Variants in UBR4 observed in about 807,000 individuals in gnomAD.
UBR4 encodes ubiquitin protein ligase E3 component n-recognin 4.
Under a neutral mutation model 575.6 loss-of-function variants are expected in UBR4, and 124 were observed. The observed-to-expected ratio is 0.22, with a 90% CI of 0.19 to 0.25. UBR4 has a LOEUF of 0.25. UBR4 is among the 10% of genes least tolerant of loss of function. The pLI is 1.00. For synonymous variants in UBR4, 2,455 were observed against 2,473.7 expected (o/e 0.99, Z 0.22); for missense variants, 4,818 against 6,478.8 (o/e 0.74, Z 8.80).
intron 11 of UBR4, among the ~76,000 whole-genome samples, chr1:19,191,834 A>G (rs1322919123): frequency 1.3e-5 from 2 of 152,226 alleles, no homozygotes; most frequent in African/African-American, 2.4e-5. Context: ...CAATATTCTC[A>G]TCTTACAGGT....
At chr1:19,075,073 C>T in intron 105 of UBR4, 177 bp from the exon 106 acceptor site, 1 of 656,228 alleles carries the variant, frequency 1.5e-6, no homozygotes, top group South Asian at 1.8e-5. Context: ...CCCTGTTCCG[C>T]AGGAGGAGTC....
In UBR4 at chr1:19,155,602, T is replaced by G. The variant is rs768243483; in HGVS notation, c.6139A>C (p.Arg2047=). ...TCATTGAAAAGGAAGGTAACATCTC[T>G]TATCTTTGAGCTTGGCAGGAGAAAA... The part of the protein sequence containing the change: ...FYFLLPSSKI[R]DVTFLFNEEG... The change falls in exon 43 of 106, where the codon AGA becomes CGA. Residue 2047 remains arginine (R), a synonymous_variant. Coordinates refer to ENST00000375254, the MANE Select transcript of UBR4 (RefSeq NM_020765.3). The G allele has an allele frequency of 2.2e-5, 36 of 1,614,080 alleles. No individual in the cohort carries two copies. Among genetic ancestry groups the G allele is most frequent in the Non-Finnish European group, 3.1e-5 (36 of 1,180,040 alleles).
chr1:19,091,693 C>T (rs539358801), intron 97 of UBR4, among the ~76,000 whole-genome samples: 175 of 152,308 alleles, frequency 1.1e-3, no homozygotes, highest in African/African-American at 4.0e-3. Flanking sequence ...ACTGGAGCAG[C>T]CATACATTTC....
In UBR4 at chr1:19,110,562, A is replaced by G; in HGVS notation, c.11893-98T>C. 1 of 1,414,276 alleles carries G rather than the reference A, an allele frequency of 7.1e-7. No homozygotes were observed. The highest frequency in any genetic ancestry group is 1.2e-5 in the South Asian group (1 of 81,896). The allele number at this position is 1,414,276 out of a possible 1,614,324, so 87.6% of individuals were successfully genotyped here. On this transcript the variant is annotated intron_variant, in intron 79 of 105. Transcript: ENST00000375254. This position sits in a 1 kb window ranked among gnomAD's most constrained non-coding sequence, Gnocchi z 4.5. ...ATTTCTGGTCCTAGGTGGCTCCAAC[A>G]GAGACAAAGGACAGACGGAGACCCT...
At chr1:19,154,168 G>A (rs1443921111) in intron 44 of UBR4, among the ~76,000 whole-genome samples, 1 of 152,172 alleles carries the variant, frequency 6.6e-6, no homozygotes. Context: ...CCACTGTGAG[G>A]TTCCATGTCC....
chr1:19,184,145 A>G lies in UBR4; in HGVS notation c.1969T>C (p.Phe657Leu), dbSNP rs748314109. The stretch of plus-strand genomic sequence containing the variant: ...GAGTTCAGCATGGAAGAGGTGATGA[A>G]GTTCAAAATGTTGGAAGCCAGACCT... The part of the protein sequence containing the change: ...FLGLASNILN[F>L]ITSSMLNSRN... The change falls in exon 16 of 106, where the codon TTC (phenylalanine) becomes CTC (leucine). Residue 657 changes from phenylalanine to leucine, a missense_variant. By Grantham distance (22) the Phe-to-Leu change is conservative (BLOSUM62 0). Around this residue, in one of 29 missense-constraint regions of UBR4, gnomAD observed 1,172 missense variants for 1,259.7 expected, o/e 0.93. Transcript: ENST00000375254. 1 of 1,614,236 alleles carries G rather than the reference A, an allele frequency of 6.2e-7. No individual in the cohort carries two copies. The highest frequency in any genetic ancestry group is 1.7e-5 in the Admixed American group (1 of 60,034).
At chr1:19,210,034 CCCA>C in intron 1 of UBR4, 36 bp downstream of exon 1, 1 of 1,515,152 alleles carries the variant, frequency 6.6e-7, no homozygotes. Flanking sequence ...ATCCCCTCCC[CCCA>C]CAACAGCGTC....
chr1:19,145,400 A>G (rs567292875), intron 53 of UBR4, among the ~76,000 whole-genome samples: 2 of 152,336 alleles, frequency 1.3e-5, no homozygotes, highest in East Asian at 1.9e-4. Flanking sequence ...GTAAGAAGTT[A>G]GAGACCAAAT....
intron 8 of UBR4, 146 bp downstream of exon 8, chr1:19,196,995 T>C: frequency 3.2e-6 from 3 of 937,552 alleles, no homozygotes; most frequent in Non-Finnish European, 4.7e-6. Context: ...TATTGAGACC[T>C]CATTTCACCT....
At chr1:19,181,844 C>T (rs1291660989) in intron 17 of UBR4, among the ~76,000 whole-genome samples, 2 of 152,174 alleles carry the variant, frequency 1.3e-5, no homozygotes, top group Non-Finnish European at 2.9e-5. Flanking sequence ...TTTACATGAA[C>T]AGTTCTGTGG....
At position 19,144,967 on chromosome 1, in the gene UBR4, G is replaced by A. The variant is rs145565851; in HGVS notation, c.7946-60C>T. On this transcript the variant is annotated intron_variant, in intron 53 of 105. Transcript: ENST00000375254. ...AGGAAAAAACTCTAACTACTTGAGAGTCTGAGACAAAAGTGTAACCTTTTA... is the reference window on the plus strand; with the variant it reads ...AGGAAAAAACTCTAACTACTTGAGAATCTGAGACAAAAGTGTAACCTTTTA... 4.0e-4 allele frequency: 634 copies of A among 1,600,156 alleles called. 2 individuals carry two copies. The African/African-American group carries it at 5.9e-3, about 15-fold the overall frequency.
At chr1:19,184,670 A>G (rs759000377) in intron 15 of UBR4, among the ~76,000 whole-genome samples, 14 of 152,206 alleles carry the variant, frequency 9.2e-5, no homozygotes, top group South Asian at 2.1e-4. Context: ...CACTCACATC[A>G]TCAGAACGGG....
At position 19,177,593 on chromosome 1, in the gene UBR4, C is replaced by T; in HGVS notation, c.2505G>A (p.Gln835=). The change falls in exon 19 of 106, where the codon CAG becomes CAA. Residue 835 remains glutamine (Q), a synonymous_variant. Transcript: ENST00000375254. ...TGTTGACGCTCAACTCCTGGATGAT[C>T]TGGACAAAAAGCGACAATATGGCCC... The part of the protein sequence containing the change: ...GRRAILSLFV[Q]IIQELSVNMD... The T allele has an allele frequency of 1.2e-6, 2 of 1,613,578 alleles. No homozygotes were observed. Among genetic ancestry groups the T allele is most frequent in the Non-Finnish European group, 1.7e-6 (2 of 1,179,940 alleles).
chr1:19,175,611 T>C (rs1408564523), intron 20 of UBR4, among the ~76,000 whole-genome samples: 2 of 152,154 alleles, frequency 1.3e-5, no homozygotes, highest in African/African-American at 4.8e-5. Flanking sequence ...GATAATCTCA[T>C]GTTCACATTC....
At chr1:19,160,453 A>G (rs2087146624) in intron 38 of UBR4, among the ~76,000 whole-genome samples, 172 bp from the exon 39 acceptor site, 3 of 152,202 alleles carry the variant, frequency 2.0e-5, no homozygotes, top group Admixed American at 2.0e-4. Context: ...GATTCCAATC[A>G]ATATGCATTT....
rs1308504504 is a variant in UBR4 at position 19,115,274 on chromosome 1, C to G, written c.11063+124G>C. 4.9e-6 allele frequency: 7 copies of G among 1,415,950 alleles called. No homozygotes were observed. In the Admixed American group the frequency reaches 1.5e-4, roughly 30 times the overall value. 87.7% of individuals were successfully genotyped at this position (1,415,950 alleles called of 1,614,324 possible). ...CCTTTCTACCCTTGAACCCACTCTA[C>G]AAACCCATAATTCTCTAAATGTTCT... On this transcript the variant is annotated intron_variant, in intron 74 of 105. Transcript: ENST00000375254.
intron 82 of UBR4, 40 bp downstream of exon 82, chr1:19,106,797 G>A (rs371985394): frequency 2.0e-5 from 32 of 1,606,226 alleles, no homozygotes; most frequent in Admixed American, 1.0e-4. Context: ...CTGTCAGAGC[G>A]CAGGCAGGAC....
In UBR4 at chr1:19,087,675, C is replaced by T. The variant is rs2077150427; in HGVS notation, c.14544+141G>A. On this transcript the variant is annotated intron_variant, in intron 99 of 105. Transcript: ENST00000375254. Reference sequence around the variant, plus strand: ...GCCTTCCTGCCTCTAAAGAGGACAGCTGGTCCTTTTGTTAATCTCCTAAGA... The same window carrying T: ...GCCTTCCTGCCTCTAAAGAGGACAGTTGGTCCTTTTGTTAATCTCCTAAGA... The T allele has an allele frequency of 8.1e-6, 5 of 619,338 alleles. No homozygotes were observed. In the Admixed American group the frequency reaches 8.4e-5, roughly 10 times the overall value. 38.4% of individuals were successfully genotyped at this position (619,338 alleles called of 1,614,324 possible). A position where few individuals can be genotyped will look rare whatever the true frequency, so the allele number is the denominator to read the frequency against.
rs759689064 is a variant in UBR4, at chr1:19,179,128, G to A, written c.2277C>T (p.Arg759=). ...CTTTATGTTGCCAGATGAGCAGGAG[G>A]CGTGAAAGCACAGAGAGGCTTTGAG... ...IHPQSLSVLS[R]LLLIWQHKAS... The change falls in exon 18 of 106, where the codon CGC becomes CGT. Residue 759 remains arginine, a synonymous_variant. Transcript: ENST00000375254. 8.7e-6 allele frequency: 14 copies of A among 1,613,814 alleles called. No individual in the cohort carries two copies. Among genetic ancestry groups the A allele is most frequent in the Non-Finnish European group, 1.2e-5 (14 of 1,179,962 alleles).
Sources: allele counts gnomAD v4.1 joint callset (sites outside exome capture counted in the v4.1 genomes callset), GRCh38; gene constraint gnomAD v4.1.1; regional missense constraint gnomAD v4.1.1; non-coding constraint Gnocchi (gnomAD v3.1); transcripts MANE v1.5; gene names NCBI Gene and HGNC (gene_info 2026-07-23, HGNC 2026-07-21).